Variants in LRFN2 observed in about 807,000 individuals in gnomAD.
LRFN2 encodes leucine rich repeat and fibronectin type III domain containing 2, also known as leucine-rich repeat and fibronectin type-III domain-containing protein 2.
In LRFN2, 18 loss-of-function variants were observed where a neutral mutation model predicts 37.3. That is an observed-to-expected ratio of 0.48 (90% CI 0.33 to 0.72). The LOEUF (loss-of-function observed/expected upper bound fraction) is 0.72. Ranked by LOEUF, LRFN2 falls within the 30% of genes least tolerant of loss-of-function variation. LRFN2 has a pLI of 0.02. For synonymous variants in LRFN2, 556 were observed against 466.6 expected, an observed-to-expected ratio of 1.19 and a Z score of -2.47; for missense variants, 1,006 against 1,060.7, an observed-to-expected ratio of 0.95 and a Z score of 0.72.
At chr6:40,488,885 G>A (rs1237193792) in intron 1 of LRFN2, among the ~76,000 whole-genome samples, 1 of 152,120 alleles carries the variant, frequency 6.6e-6, no homozygotes, top group Non-Finnish European at 1.5e-5. Flanking sequence ...TCTAGGAAGT[G>A]TAAAAAGTTA....
At chr6:40,413,484 C>T (rs778500133) in intron 2 of LRFN2, among the ~76,000 whole-genome samples, 1 of 152,226 alleles carries the variant, frequency 6.6e-6, no homozygotes, top group Non-Finnish European at 1.5e-5. Flanking sequence ...AAATCTCGCT[C>T]TTCCCCAGGC....
chr6:40,583,864 G>C (rs1414455893), intron 1 of LRFN2, among the ~76,000 whole-genome samples: 1 of 152,198 alleles, frequency 6.6e-6, no homozygotes, highest in African/African-American at 2.4e-5. Flanking sequence ...GTCAAAAAGA[G>C]AAGACTGGGT....
At chr6:40,520,337 G>T (rs891250908) in intron 1 of LRFN2, among the ~76,000 whole-genome samples, 1 of 152,136 alleles carries the variant, frequency 6.6e-6, no homozygotes, top group Non-Finnish European at 1.5e-5. Context: ...AGAAGGAGGT[G>T]CAGGGAGGGG....
chr6:40,402,346 G>A (rs1208844691), intron 2 of LRFN2, among the ~76,000 whole-genome samples: 5 of 152,290 alleles, frequency 3.3e-5, no homozygotes, highest in Non-Finnish European at 4.4e-5. Context: ...GCCAGGCCAC[G>A]GAGCATGATC....
intron 1 of LRFN2, among the ~76,000 whole-genome samples, chr6:40,433,840 C>T (rs954000569): frequency 6.6e-6 from 1 of 152,046 alleles, no homozygotes; most frequent in Non-Finnish European, 1.5e-5. Context: ...AATTCTGAAC[C>T]CTTCATAAGC....
chr6:40,550,325 A>T (rs425631), intron 1 of LRFN2, among the ~76,000 whole-genome samples: 18,479 of 152,224 alleles, frequency 0.12, 1,396 homozygotes, highest in Non-Finnish European at 0.16. Flanking sequence ...TTATTGGCAC[A>T]TGATATTGAC....
chr6:40,393,954 G>A (rs1762565176), intron 2 of LRFN2, among the ~76,000 whole-genome samples: 1 of 152,166 alleles, frequency 6.6e-6, no homozygotes, highest in Non-Finnish European at 1.5e-5. Context: ...GCTGCTTAGG[G>A]GTGGAGGGAC....
intron 1 of LRFN2, among the ~76,000 whole-genome samples, chr6:40,539,140 C>T (rs1211536914): frequency 6.6e-6 from 1 of 152,076 alleles, no homozygotes; most frequent in Non-Finnish European, 1.5e-5. Flanking sequence ...ACCTCCCACC[C>T]ACCCCAACTA....
chr6:40,531,133 G>A (rs559179384), intron 1 of LRFN2, among the ~76,000 whole-genome samples: 4 of 152,246 alleles, frequency 2.6e-5, no homozygotes, highest in South Asian at 4.1e-4. Context: ...GTTGCTCCCC[G>A]AACTGGGCAA....
At chr6:40,510,125 G>A (rs529010240) in intron 1 of LRFN2, among the ~76,000 whole-genome samples, 1 of 151,956 alleles carries the variant, frequency 6.6e-6, no homozygotes, top group African/African-American at 2.4e-5. Context: ...GTGCGTGCAT[G>A]CGGGTATGCT....
chr6:40,435,078 G>GAGAGAC (rs1561854409), intron 1 of LRFN2, among the ~76,000 whole-genome samples: 1 of 136,504 alleles, frequency 7.3e-6, no homozygotes, highest in Non-Finnish European at 1.6e-5. Flanking sequence ...GAGAGAGAGA[G>GAGAGAC]AGAGAGAGAG....
At chr6:40,522,927 G>A (rs1766128338) in intron 1 of LRFN2, among the ~76,000 whole-genome samples, 1 of 152,252 alleles carries the variant, frequency 6.6e-6, no homozygotes, top group Admixed American at 6.5e-5. Context: ...TGCAGTGGAT[G>A]TGAATGCACC....
At chr6:40,510,542 G>C (rs780071917) in intron 1 of LRFN2, among the ~76,000 whole-genome samples, 1 of 152,190 alleles carries the variant, frequency 6.6e-6, no homozygotes, top group Non-Finnish European at 1.5e-5. Context: ...ACAAACATTT[G>C]TTGAGCTCCT....
At chr6:40,400,421 C>CTTTTTTTTTTTTTTT (rs34460828) in intron 2 of LRFN2, among the ~76,000 whole-genome samples, 1 of 128,682 alleles carries the variant, frequency 7.8e-6, no homozygotes, top group Non-Finnish European at 1.6e-5. Flanking sequence ...GGTACTTTTC[C>CTTTTTTTTTTTTTTT]TTTTTTTTTT....
chr6:40,477,231 G>C (rs1341616772), intron 1 of LRFN2, among the ~76,000 whole-genome samples: 4 of 152,154 alleles, frequency 2.6e-5, no homozygotes, highest in Non-Finnish European at 1.5e-5. Context: ...ACTCATGTTG[G>C]TGGTGGTTTT....
At chr6:40,478,054 C>A (rs114720929) in intron 1 of LRFN2, among the ~76,000 whole-genome samples, 2,501 of 152,214 alleles carry the variant, frequency 0.016, 67 homozygotes, top group African/African-American at 0.057. Context: ...AGCATCAGGG[C>A]GGGAAGCCAC....
At chr6:40,497,746 C>T (rs1379627522) in intron 1 of LRFN2, among the ~76,000 whole-genome samples, 1 of 152,168 alleles carries the variant, frequency 6.6e-6, no homozygotes, top group Non-Finnish European at 1.5e-5. Flanking sequence ...ACTCCCCCAC[C>T]CTCACCTTCC....
intron 2 of LRFN2, among the ~76,000 whole-genome samples, chr6:40,404,858 C>T (rs537640810): frequency 6.6e-6 from 1 of 152,188 alleles, no homozygotes; most frequent in Non-Finnish European, 1.5e-5. Flanking sequence ...TATGACTCTT[C>T]CAGTTCTCCA....
chr6:40,427,762 CT>C (rs1432122108), intron 2 of LRFN2, among the ~76,000 whole-genome samples: 3 of 152,220 alleles, frequency 2.0e-5, no homozygotes, highest in African/African-American at 7.2e-5. Context: ...ATATTCACCC[CT>C]TTCCTGTCTT....
Sources: gnomAD v4.1 joint callset for allele counts (sites outside exome capture counted in the v4.1 genomes callset) on GRCh38, gnomAD v4.1.1 for gene constraint, MANE v1.5 for transcripts, NCBI Gene and HGNC (gene_info 2026-07-23, HGNC 2026-07-21) for gene names.